Variants in C15orf40 observed in about 807,000 individuals in gnomAD.
C15orf40 encodes UPF0235 protein C15orf40.
Under a neutral mutation model 13.9 loss-of-function variants are expected in C15orf40, and 9 were observed. The ratio of observed to expected loss-of-function variants is 0.65; its 90% CI spans 0.39 to 1.13. The LOEUF is 1.13. Among genes scored for constraint, C15orf40 ranks in the 50% most tolerant of loss-of-function variants. The pLI is 0.01. For missense variants in C15orf40, 225 were observed against 188.5 expected (o/e 1.19, Z -1.13); for synonymous variants, 95 against 69.2 (o/e 1.37, Z -1.85).
chr15:83,005,684 T>C lies in C15orf40; in HGVS notation c.375A>G (p.Lys125=), dbSNP rs1473749826. The C allele has an allele frequency of 2.5e-6, 4 of 1,612,572 alleles. No homozygotes were observed. The highest frequency in any genetic ancestry group is 3.4e-6 in the Non-Finnish European group (4 of 1,179,344). The change falls in exon 4 of 4, where the codon AAA becomes AAG. Residue 125 remains lysine, a synonymous_variant. Coordinates refer to ENST00000304177, the MANE Select transcript of C15orf40 (RefSeq NM_144597.3). ...KSDVVLDKGG[K]SREKVVKLLA... ...AAAGCTTCACCACCTTTTCACGAGA[T>C]TTACCACCCTGGACCAAAAGAGAAA...
downstream of C15orf40, chr15:82,991,800 A>G: frequency 9.5e-7 from 1 of 1,051,408 alleles, no homozygotes. Context: ...CCCTAATTAC[A>G]TCAGTAGGCA....
chr15:83,010,223 G>C lies in C15orf40; in HGVS notation c.238+14C>G. On this transcript the variant is annotated intron_variant, in intron 2 of 3. Coordinates refer to ENST00000304177, the MANE Select transcript of C15orf40 (RefSeq NM_144597.3). ...TGATTCACACTTGAATCCCACCCCA[G>C]TGTCCAGGTATACCTGTTACAGCAT... 1 of 1,614,028 alleles carries C rather than the reference G, an allele frequency of 6.2e-7. No homozygotes were observed. The highest frequency in any genetic ancestry group is 8.5e-7 in the Non-Finnish European group (1 of 1,179,942).
Position 83,004,134 on chromosome 15 carries a change from T to C in C15orf40, c.*1463A>G, listed in dbSNP as rs146849516. ...TAAAATCTATCTATGTATATCTATCTATCTATAAAGAAAGAGACAGAGACA... is the reference window on the plus strand; with the variant it reads ...TAAAATCTATCTATGTATATCTATCCATCTATAAAGAAAGAGACAGAGACA... On this transcript the variant is annotated 3_prime_UTR_variant, in exon 4 of 4. Coordinates refer to ENST00000304177, the MANE Select transcript of C15orf40 (RefSeq NM_144597.3). 171 of 152,960 alleles carry C rather than the reference T, an allele frequency of 1.1e-3. No individual in the cohort carries two copies. The highest frequency in any genetic ancestry group is 2.2e-3 in the Non-Finnish European group (150 of 68,972). The allele number at this position is 152,960 out of a possible 1,614,324, so 9.5% of individuals were successfully genotyped here.
downstream of C15orf40, among the ~76,000 whole-genome samples, chr15:82,992,433 T>A (rs1186507108): frequency 6.6e-6 from 1 of 151,956 alleles, no homozygotes; most frequent in East Asian, 1.9e-4. Context: ...AGAGAATCAC[T>A]TGAACCTGGG....
chr15:82,990,752 T>G, downstream of C15orf40: 1 of 1,047,528 alleles, frequency 9.5e-7, no homozygotes, highest in Non-Finnish European at 1.4e-6. Context: ...CTAAAGCTTT[T>G]TGCTAACAAC....
intron 3 of C15orf40, 74 bp downstream of exon 3, chr15:83,008,474 A>G (rs752987912): frequency 6.7e-7 from 1 of 1,494,508 alleles, no homozygotes; most frequent in East Asian, 2.3e-5. Context: ...AGCCAAGACT[A>G]CGCCACTGCA....
intron 1 of C15orf40, 186 bp downstream of exon 1, chr15:83,011,311 A>G (rs1351065666): frequency 1.7e-6 from 1 of 581,194 alleles, no homozygotes; most frequent in African/African-American, 2.0e-5. Flanking sequence ...AGCGCAGCCT[A>G]CTGAGGCGGG....
intron 1 of C15orf40, chr15:83,010,648 C>T: frequency 3.2e-6 from 1 of 309,246 alleles, no homozygotes; most frequent in Non-Finnish European, 6.0e-6. Flanking sequence ...CTTTGTATTT[C>T]CAATTCCTTG....
rs774309075 is a variant in C15orf40 at position 83,011,558 on chromosome 15, G to A, written c.50C>T (p.Thr17Ile). 6 of 1,606,038 alleles carry A rather than the reference G, an allele frequency of 3.7e-6. No individual in the cohort carries two copies. The highest frequency in any genetic ancestry group is 2.2e-5 in the East Asian group (1 of 44,628). Residue 17 changes from threonine to isoleucine, a missense_variant, in exon 1 of 4, where the codon ACT (threonine) becomes ATT (isoleucine). Physicochemically the swap from Thr to Ile is moderately conservative, Grantham distance 89. Coordinates refer to ENST00000304177, the MANE Select transcript of C15orf40 (RefSeq NM_144597.3). The stretch of plus-strand genomic sequence containing the variant: ...GCAAAGAAGCCGAGCGGAGCCCCGA[G>A]TATTGGGTGTTGCCCGAAGGTGCCT... ...GLRHLRATPN[T>I]RGSARLLCAE...
Position 82,995,850 on chromosome 15 carries a change from G to A in C15orf40, c.*9747C>T, listed in dbSNP as rs1267020911. The A allele has an allele frequency of 2.0e-5, 3 of 152,284 alleles. No homozygotes were observed. The highest frequency in any genetic ancestry group is 7.2e-5 in the African/African-American group (3 of 41,458). 9.4% of individuals were successfully genotyped at this position (152,284 alleles called of 1,614,324 possible). On this transcript the variant is annotated 3_prime_UTR_variant, in exon 4 of 4. Transcript: ENST00000304177. Reference sequence around the variant, plus strand: ...ACTGCCCCATTGCAGGATTAAGAGAGAGCATAAAGCATGCAGCACTAAGCT... The same window carrying A: ...ACTGCCCCATTGCAGGATTAAGAGAAAGCATAAAGCATGCAGCACTAAGCT...
chr15:83,011,348 G>C (rs1201173254), intron 1 of C15orf40, 149 bp downstream of exon 1: 2 of 829,154 alleles, frequency 2.4e-6, no homozygotes, highest in Admixed American at 3.7e-5. Context: ...GCAGCTCTGG[G>C]GGTGGCGGCG....
At chr15:83,009,059 G>C (rs1453353306) in intron 2 of C15orf40, among the ~76,000 whole-genome samples, 1 of 152,160 alleles carries the variant, frequency 6.6e-6, no homozygotes, top group Non-Finnish European at 1.5e-5. Context: ...GGACAGGGCA[G>C]CTTACTAGAT....
chr15:82,992,620 C>A (rs1199883565), downstream of C15orf40, among the ~76,000 whole-genome samples: 4 of 152,176 alleles, frequency 2.6e-5, no homozygotes, highest in African/African-American at 7.2e-5. Context: ...GGATTCTGTG[C>A]TGTGCCAGCT....
At chr15:82,991,954 A>G, downstream of C15orf40, 3 of 1,277,986 alleles carry the variant, frequency 2.3e-6, no homozygotes, top group South Asian at 3.7e-5. Flanking sequence ...GGTGGCTCAC[A>G]CCTGTTATCC....
At position 82,995,040 on chromosome 15, in the gene C15orf40, T is replaced by C. The variant is rs2030998538; in HGVS notation, c.*10557A>G. On this transcript the variant is annotated 3_prime_UTR_variant, in exon 4 of 4. Transcript: ENST00000304177. ...TGACATCTGCTGTATTAAATTATTA[T>C]AGAATGAAATAAACAACTAGATTCA... 6.6e-6 allele frequency: 1 copy of C among 152,224 alleles called. No homozygotes were observed. Among genetic ancestry groups the C allele is most frequent in the Non-Finnish European group, 1.5e-5 (1 of 68,036 alleles). 9.4% of individuals were successfully genotyped at this position (152,224 alleles called of 1,614,324 possible). A position where few individuals can be genotyped will look rare whatever the true frequency, so the allele number is the denominator to read the frequency against.
chr15:83,001,383 G>A lies in C15orf40; in HGVS notation c.*4214C>T, dbSNP rs1024957404. The A allele has an allele frequency of 1.1e-5, 9 of 793,420 alleles. No homozygotes were observed. The African/African-American group carries it at 1.3e-4, about 12-fold the overall frequency. The allele number at this position is 793,420 out of a possible 1,614,324, so 49.1% of individuals were successfully genotyped here. On this transcript the variant is annotated 3_prime_UTR_variant, in exon 4 of 4. Transcript: ENST00000304177. The stretch of plus-strand genomic sequence containing the variant: ...AAGTAATTATCATTTATTAAGGTGC[G>A]GGTGATAGATGACAGATGCAGTGCT...
chr15:83,009,144 T>C (rs1026516985), intron 2 of C15orf40, among the ~76,000 whole-genome samples: 1 of 152,258 alleles, frequency 6.6e-6, no homozygotes, highest in African/African-American at 2.4e-5. Flanking sequence ...ATGTGACACA[T>C]ATCTTGAGTG....
At position 83,011,579 on chromosome 15, in the gene C15orf40, T is replaced by C. The variant is rs553737044; in HGVS notation, c.29A>G (p.His10Arg). Residue 10 changes from histidine to arginine, a missense_variant, in exon 1 of 4, where the codon CAC (histidine) becomes CGC (arginine). By Grantham distance (29) the His-to-Arg change is conservative. Transcript: ENST00000304177. The part of the protein sequence containing the change: MLRLRSGLR[H>R]LRATPNTRGS... Reference sequence around the variant, plus strand: ...CCGAGTATTGGGTGTTGCCCGAAGGTGCCTCAGCCCGCTGCGGAGCCGCAG... The same window carrying C: ...CCGAGTATTGGGTGTTGCCCGAAGGCGCCTCAGCCCGCTGCGGAGCCGCAG... 7.3e-4 allele frequency: 1,172 copies of C among 1,599,588 alleles called. 12 individuals are homozygous for C. In the South Asian group the frequency reaches 0.012, roughly 16 times the overall value.
At chr15:82,991,314 G>C (rs780260371), downstream of C15orf40, among the ~76,000 whole-genome samples, 8 of 152,212 alleles carry the variant, frequency 5.3e-5, no homozygotes, top group Non-Finnish European at 1.2e-4. Context: ...TTGGGAGGCT[G>C]TGGGCGGATC....
Sources: allele counts gnomAD v4.1 joint callset (sites outside exome capture counted in the v4.1 genomes callset), GRCh38; gene constraint gnomAD v4.1.1; transcripts MANE v1.5; gene names NCBI Gene and HGNC (gene_info 2026-07-23, HGNC 2026-07-21).